Variants in PARN observed in about 807,000 individuals in gnomAD.
The protein encoded by PARN is poly(A)-specific ribonuclease, also known as poly(A)-specific ribonuclease PARN.
Under a neutral mutation model 102.8 loss-of-function variants are expected in PARN, and 71 were observed. The ratio of observed to expected loss-of-function variants is 0.69; its 90% CI spans 0.57 to 0.84. The LOEUF (loss-of-function observed/expected upper bound fraction) is 0.84, where lower values mean the gene tolerates loss of function less well. Ranked by LOEUF, PARN falls within the 40% of genes least tolerant of loss-of-function variation. The pLI is 0.00. For missense variants in PARN, 782 were observed against 760.9 expected (o/e 1.03, Z -0.33); for synonymous variants, 261 against 252.9 (o/e 1.03, Z -0.30).
chr16:14,449,519 A>T (rs892815466), intron 22 of PARN, among the ~76,000 whole-genome samples: 1 of 152,228 alleles, frequency 6.6e-6, no homozygotes, highest in Non-Finnish European at 1.5e-5. Flanking sequence ...GACCTCATAG[A>T]TGTAAACATC....
chr16:14,537,264 C>T (rs1379846503), intron 21 of PARN, among the ~76,000 whole-genome samples: 1 of 152,040 alleles, frequency 6.6e-6, no homozygotes, highest in Non-Finnish European at 1.5e-5. Context: ...GTCAGAATGA[C>T]TACTATAAAA....
At chr16:14,534,262 T>C (rs992156503) in intron 21 of PARN, among the ~76,000 whole-genome samples, 1 of 149,402 alleles carries the variant, frequency 6.7e-6, no homozygotes, top group Middle Eastern at 3.5e-3. Context: ...AGAATAATAC[T>C]GCAGGTTTCA....
At chr16:14,455,610 G>A (rs895812140) in intron 22 of PARN, among the ~76,000 whole-genome samples, 3 of 152,204 alleles carry the variant, frequency 2.0e-5, no homozygotes, top group Non-Finnish European at 1.5e-5. Context: ...AAGGGCTGCT[G>A]CCAAAACTTA....
At chr16:14,520,231 C>G (rs1434478425) in intron 21 of PARN, among the ~76,000 whole-genome samples, 1 of 152,154 alleles carries the variant, frequency 6.6e-6, no homozygotes, top group Non-Finnish European at 1.5e-5. Flanking sequence ...GAGAGACACA[C>G]TGATAGATTA....
chr16:14,476,365 A>G (rs574343534), intron 22 of PARN, among the ~76,000 whole-genome samples: 1 of 152,334 alleles, frequency 6.6e-6, no homozygotes, highest in East Asian at 1.9e-4. Flanking sequence ...CAAGCACTCA[A>G]TAGCCATGTG....
intron 11 of PARN, 141 bp from the exon 12 acceptor site, chr16:14,600,101 C>T (rs1970787168): frequency 6.0e-6 from 3 of 497,928 alleles, no homozygotes; most frequent in African/African-American, 3.9e-5. Context: ...CGCCTATCTT[C>T]CCAAACATTT....
At chr16:14,608,205 G>T in intron 9 of PARN, 76 bp downstream of exon 9, 1 of 1,053,658 alleles carries the variant, frequency 9.5e-7, no homozygotes, top group Non-Finnish European at 1.4e-6. Flanking sequence ...AAAAGGAAAT[G>T]AGAACTAAGA....
At chr16:14,466,683 C>T (rs1438830922) in intron 22 of PARN, among the ~76,000 whole-genome samples, 1 of 152,222 alleles carries the variant, frequency 6.6e-6, no homozygotes, top group Non-Finnish European at 1.5e-5. Context: ...ATCCTCACCT[C>T]CATCCATCTG....
chr16:14,492,466 G>A (rs1385588671), intron 21 of PARN, among the ~76,000 whole-genome samples: 1 of 152,178 alleles, frequency 6.6e-6, no homozygotes. Flanking sequence ...GGTGAGGGCA[G>A]GTGCTGTTAT....
At chr16:14,625,816 T>A (rs564404203) in intron 5 of PARN, among the ~76,000 whole-genome samples, 2 of 152,330 alleles carry the variant, frequency 1.3e-5, no homozygotes, top group Non-Finnish European at 2.9e-5. Context: ...AAGGGAAAGA[T>A]GGCAAGACTC....
At chr16:14,492,924 C>G (rs936708295) in intron 21 of PARN, among the ~76,000 whole-genome samples, 1 of 152,136 alleles carries the variant, frequency 6.6e-6, no homozygotes, top group African/African-American at 2.4e-5. Flanking sequence ...ACATCTCCAC[C>G]TACCTTACAA....
intron 23 of PARN, among the ~76,000 whole-genome samples, chr16:14,446,523 A>T (rs1243313408): frequency 6.6e-6 from 1 of 152,192 alleles, no homozygotes; most frequent in Non-Finnish European, 1.5e-5. Flanking sequence ...GAAACAGTGA[A>T]AACGCTGCTA....
intron 22 of PARN, among the ~76,000 whole-genome samples, chr16:14,456,527 C>T (rs566270869): frequency 2.6e-5 from 4 of 152,276 alleles, no homozygotes; most frequent in Admixed American, 6.5e-5. Context: ...CTGGAACGTT[C>T]ATGCGCTGTA....
Position 14,629,656 on chromosome 16 carries a change from T to C in PARN, c.38A>G (p.His13Arg), listed in dbSNP as rs1180535724. The change falls in exon 2 of 24, where the codon CAC (histidine) becomes CGC (arginine). Residue 13 changes from histidine to arginine, a missense_variant. Coordinates refer to ENST00000437198, the MANE Select transcript of PARN (RefSeq NM_002582.4). ...IIRSNFKSNL[H>R]KVYQAIEEAD... ...CTCCTCTATGGCCTGGTACACTTTGTGAAGATTACTCTTAAAATCTGCGGA... is the reference window on the plus strand; with the variant it reads ...CTCCTCTATGGCCTGGTACACTTTGCGAAGATTACTCTTAAAATCTGCGGA... The C allele has an allele frequency of 6.8e-6, 11 of 1,613,056 alleles. No homozygotes were observed. Among genetic ancestry groups the C allele is most frequent in the Non-Finnish European group, 9.3e-6 (11 of 1,178,994 alleles).
At chr16:14,580,835 G>T in intron 18 of PARN, 39 bp downstream of exon 18, 1 of 1,236,342 alleles carries the variant, frequency 8.1e-7, no homozygotes, top group Non-Finnish European at 1.2e-6. Context: ...CTGTTCCACA[G>T]TGAGAGAACT....
intron 21 of PARN, among the ~76,000 whole-genome samples, chr16:14,490,893 A>G (rs2151610471): frequency 6.6e-6 from 1 of 152,300 alleles, no homozygotes; most frequent in African/African-American, 2.4e-5. Flanking sequence ...AGATTTTGCA[A>G]AAGGGCAAGC....
rs1440268790 is a variant in PARN, at chr16:14,451,941, ATT to A, written c.1671-4862_1671-4861del. Among the ~76,000 whole-genome samples, 4 of 144,168 alleles carry A rather than the reference ATT, an allele frequency of 2.8e-5. No individual in the cohort carries two copies. In the East Asian group the frequency reaches 8.2e-4, roughly 30 times the overall value. 94.6% of individuals were successfully genotyped at this position (144,168 alleles called of 152,430 possible). ...TGGTGGCATGCCTGTAGTCCCAGCT[ATT>A]TGGGAGGCTGAGGTGGGAGGATTGC... On this transcript the variant is annotated intron_variant, in intron 22 of 23. Transcript: ENST00000437198.
intron 21 of PARN, among the ~76,000 whole-genome samples, chr16:14,542,161 T>C (rs1203881152): frequency 1.3e-5 from 2 of 151,956 alleles, no homozygotes; most frequent in African/African-American, 4.8e-5. Context: ...CATGCCACCA[T>C]GCCTGACTAA....
At chr16:14,482,478 T>C (rs1963435395) in intron 22 of PARN, among the ~76,000 whole-genome samples, 160 bp downstream of exon 22, 1 of 152,130 alleles carries the variant, frequency 6.6e-6, no homozygotes, top group Non-Finnish European at 1.5e-5. Context: ...GTCTCTAAAA[T>C]ACAGGAAATT....
Sources: allele counts gnomAD v4.1 joint callset (sites outside exome capture counted in the v4.1 genomes callset), GRCh38; gene constraint gnomAD v4.1.1; transcripts MANE v1.5; gene names NCBI Gene and HGNC (gene_info 2026-07-23, HGNC 2026-07-21).